The following ZFHX3 variants were observed in gnomAD, a reference collection of about 807,000 sequenced individuals.
ZFHX3 encodes the protein zinc finger homeobox 3, also known as zinc finger homeobox protein 3.
A neutral mutation model predicts 279.1 loss-of-function variants in ZFHX3; 42 were observed. The ratio of observed to expected loss-of-function variants is 0.15; its 90% CI spans 0.12 to 0.19. ZFHX3 has a LOEUF of 0.19. Among genes scored for constraint, ZFHX3 ranks in the 10% least tolerant of loss-of-function variants. ZFHX3 has a pLI of 1.00. For missense variants in ZFHX3, 4,981 were observed against 4,754.0 expected, an observed-to-expected ratio of 1.05 and a Z score of -1.40; for synonymous variants, 2,293 against 1,957.8, an observed-to-expected ratio of 1.17 and a Z score of -4.52.
At chr16:73,766,232 A>C (rs2053940870) in intron 1 of ZFHX3, among the ~76,000 whole-genome samples, 1 of 152,188 alleles carries the variant, frequency 6.6e-6, no homozygotes. Context: ...ATGCAGCAGC[A>C]ACTTTTCTTA....
intron 4 of ZFHX3, among the ~76,000 whole-genome samples, chr16:72,835,596 G>A (rs555600957): frequency 7.9e-5 from 12 of 152,086 alleles, no homozygotes; most frequent in Non-Finnish European, 1.3e-4. Flanking sequence ...ATTAACCCAA[G>A]GACGACCACT....
intron 7 of ZFHX3, among the ~76,000 whole-genome samples, chr16:72,802,095 T>G (rs1385719745): frequency 2.6e-5 from 4 of 152,066 alleles, no homozygotes; most frequent in East Asian, 1.9e-4. Flanking sequence ...TAGAAAACTG[T>G]GGGCTTTTCA....
chr16:73,309,336 T>A lies in ZFHX3; in HGVS notation c.-1194+8904A>T, dbSNP rs185441612. Among the ~76,000 whole-genome samples, 319 of 152,268 alleles carry A rather than the reference T, an allele frequency of 2.1e-3. 2 individuals are homozygous for A. The highest frequency in any genetic ancestry group is 3.3e-3 in the Non-Finnish European group (226 of 68,022). On this transcript the variant is annotated intron_variant, in intron 4 of 17. Coordinates refer to the ZFHX3 transcript ENST00000641206. ...CAAGTGAGAACATGTGATATTTCGT[T>A]TTCTGTTTCTGTGTTAGTTTTCTAA...
chr16:73,564,926 T>A (rs825701), intron 2 of ZFHX3, among the ~76,000 whole-genome samples: 53,374 of 152,144 alleles, frequency 0.35, 10,871 homozygotes, highest in Non-Finnish European at 0.47. Context: ...GGTTTGGGGA[T>A]GCCTCTAAGT....
chr16:73,802,225 G>A (rs1176285909), intron 1 of ZFHX3, among the ~76,000 whole-genome samples: 1 of 152,006 alleles, frequency 6.6e-6, no homozygotes, highest in Non-Finnish European at 1.5e-5. Context: ...GTATCAAATT[G>A]TCAGAGATAT....
intron 2 of ZFHX3, among the ~76,000 whole-genome samples, chr16:73,656,323 C>T (rs1454695696): frequency 2.0e-5 from 3 of 152,108 alleles, no homozygotes; most frequent in African/African-American, 7.2e-5. Context: ...GTTGACCCCC[C>T]AAAAAAGTAA....
chr16:73,663,226 C>G (rs551554131), intron 2 of ZFHX3, among the ~76,000 whole-genome samples: 1 of 152,198 alleles, frequency 6.6e-6, no homozygotes, highest in Non-Finnish European at 1.5e-5. Flanking sequence ...ACAAGAACAT[C>G]TGAAATTCAG....
At chr16:72,956,193 C>T (rs1425329610) in intron 2 of ZFHX3, among the ~76,000 whole-genome samples, 2 of 152,222 alleles carry the variant, frequency 1.3e-5, no homozygotes, top group Non-Finnish European at 2.9e-5. Context: ...CACTCAAACA[C>T]CACACAAATA....
At chr16:73,439,464 C>A (rs186507909) in intron 3 of ZFHX3, among the ~76,000 whole-genome samples, 55 of 152,116 alleles carry the variant, frequency 3.6e-4, no homozygotes, top group African/African-American at 1.2e-3. Flanking sequence ...ATTTGGACCT[C>A]TGCTTGTGCC....
intron 7 of ZFHX3, among the ~76,000 whole-genome samples, chr16:73,105,372 T>TATATATACAC (rs1567389772): frequency 3.6e-5 from 1 of 27,512 alleles, no homozygotes; most frequent in Non-Finnish European, 1.3e-4. Flanking sequence ...TATACACACA[T>TATATATACAC]ATATATATAT....
chr16:73,145,516 C>T (rs1966859187), intron 5 of ZFHX3, among the ~76,000 whole-genome samples: 1 of 152,224 alleles, frequency 6.6e-6, no homozygotes, highest in Admixed American at 6.5e-5. Flanking sequence ...AGTGGCTGAT[C>T]ACAGCTAAAG....
Position 72,795,707 on chromosome 16 carries a change from G to A in ZFHX3, c.6975C>T (p.Asn2325=). Residue 2325 remains asparagine (N), a synonymous_variant, in exon 9 of 10, where the codon AAC becomes AAT. Transcript: ENST00000268489. Reference sequence around the variant, plus strand: ...TACATTTTTTGCACTGGTAGTTCAAGTTGCTTGTTCGAATGTATCTATCAT... The same window carrying A: ...TACATTTTTTGCACTGGTAGTTCAAATTGCTTGTTCGAATGTATCTATCAT... The part of the protein sequence containing the change: ...LTNDRYIRTS[N]LNYQCKKCSL... 2 of 1,614,160 alleles carry A rather than the reference G, an allele frequency of 1.2e-6. No homozygotes were observed. The highest frequency in any genetic ancestry group is 1.7e-6 in the Non-Finnish European group (2 of 1,180,034).
chr16:73,267,162 G>T (rs1022815962), intron 4 of ZFHX3, among the ~76,000 whole-genome samples: 2 of 152,190 alleles, frequency 1.3e-5, no homozygotes, highest in Non-Finnish European at 2.9e-5. Context: ...CGTTTGCCTG[G>T]GATTAGCGGA....
chr16:73,220,019 G>A (rs972531115), intron 5 of ZFHX3, among the ~76,000 whole-genome samples: 1 of 152,082 alleles, frequency 6.6e-6, no homozygotes, highest in Non-Finnish European at 1.5e-5. Context: ...CTGGGAGGTG[G>A]AGGTTGCAGT....
intron 2 of ZFHX3, among the ~76,000 whole-genome samples, chr16:73,480,001 G>A (rs1333082902): frequency 6.6e-6 from 1 of 152,126 alleles, no homozygotes; most frequent in Non-Finnish European, 1.5e-5. Context: ...TGGCAGTCGT[G>A]GGGACCTGAT....
At position 73,619,818 on chromosome 16, in the gene ZFHX3, A is replaced by C. The variant is rs530255287; in HGVS notation, c.-1547+60362T>G. On this transcript the variant is annotated intron_variant, in intron 2 of 17. Coordinates refer to the ZFHX3 transcript ENST00000641206. ...TGGCTCCCACATGGTTTTCCTGAAT[A>C]TGCACAACAGTCTCTATCCCACGTC... Among the ~76,000 whole-genome samples, 126 of 152,214 alleles carry C rather than the reference A, an allele frequency of 8.3e-4. 2 individuals are homozygous for C. The highest frequency in any genetic ancestry group is 3.4e-3 in the Middle Eastern group (1 of 294).
At chr16:73,057,842 G>T (rs1965592518) in intron 1 of ZFHX3, among the ~76,000 whole-genome samples, 1 of 150,554 alleles carries the variant, frequency 6.6e-6, no homozygotes, top group South Asian at 2.1e-4. Context: ...GCCCCAGCGC[G>T]GAAGGCGCTC....
chr16:73,108,587 T>A (rs1966333359), intron 7 of ZFHX3, among the ~76,000 whole-genome samples: 1 of 151,946 alleles, frequency 6.6e-6, no homozygotes, highest in South Asian at 2.1e-4. Context: ...ATTTTGGATA[T>A]CTTCTCCTCC....
At chr16:73,577,051 G>A (rs1232802574) in intron 2 of ZFHX3, among the ~76,000 whole-genome samples, 1 of 152,212 alleles carries the variant, frequency 6.6e-6, no homozygotes, top group Non-Finnish European at 1.5e-5. Flanking sequence ...GGAGGAGGGT[G>A]TAGGAGCAGT....
Sources: gnomAD v4.1 joint callset for allele counts (sites outside exome capture counted in the v4.1 genomes callset) on GRCh38, gnomAD v4.1.1 for gene constraint, MANE v1.5 for transcripts, NCBI Gene and HGNC (gene_info 2026-07-23, HGNC 2026-07-21) for gene names.